Variants in CACNA1A observed in about 807,000 individuals in gnomAD.
CACNA1A encodes the protein voltage-dependent P/Q-type calcium channel subunit alpha-1A.
CACNA1A carries 57 observed loss-of-function variants against 262.4 expected under a neutral mutation model. That is an observed-to-expected ratio of 0.22 (90% CI 0.18 to 0.27). The LOEUF is 0.27. Among genes scored for constraint, CACNA1A ranks in the 10% least tolerant of loss-of-function variants. CACNA1A has a pLI of 1.00. For missense variants in CACNA1A, 2,526 were observed against 3,562.8 expected, an observed-to-expected ratio of 0.71 and a Z score of 7.41; for synonymous variants, 1,431 against 1,419.3, an observed-to-expected ratio of 1.01 and a Z score of -0.18.
At chr19:13,263,527 T>TA (rs1001727882) in intron 24 of CACNA1A, 1 of 152,184 alleles carries the variant, frequency 6.6e-6, no homozygotes, top group African/African-American at 2.4e-5. Flanking sequence ...ATGTATTCTT[T>TA]TTTTTTTTTG....
chr19:13,323,412 G>T (rs867424524), intron 10 of CACNA1A, among the ~76,000 whole-genome samples: 2 of 152,152 alleles, frequency 1.3e-5, no homozygotes, highest in Middle Eastern at 3.2e-3. Context: ...TTGGCCACTT[G>T]TATGTCTTTT....
rs538823410 is a variant in CACNA1A at position 13,377,945 on chromosome 19, T to C, written c.540-6166A>G. 6.6e-5 allele frequency among the ~76,000 whole-genome samples: 10 copies of C among 151,900 alleles called. No homozygotes were observed. In the Middle Eastern group the frequency reaches 0.01, roughly 155 times the overall value. The stretch of plus-strand genomic sequence containing the variant: ...GAGTTCAAGACCAGTCTGGGCAACA[T>C]AGTGAGACCTCAACTCAATTAAAAA... On this transcript the variant is annotated intron_variant, in intron 3 of 46. Transcript: ENST00000360228.
chr19:13,311,246 C>T (rs563519480), intron 12 of CACNA1A, among the ~76,000 whole-genome samples: 60 of 152,134 alleles, frequency 3.9e-4, no homozygotes, highest in Non-Finnish European at 7.1e-4. Context: ...TGCACCACCA[C>T]ACCTGGCTAA....
intron 38 of CACNA1A, among the ~76,000 whole-genome samples, chr19:13,222,020 C>T (rs1376202071): frequency 5.9e-5 from 9 of 152,116 alleles, no homozygotes; most frequent in Admixed American, 2.0e-4. Context: ...GATTCTTCTG[C>T]CTCAGCCTCC....
chr19:13,262,906 C>T, intron 24 of CACNA1A, 73 bp from the exon 25 acceptor site: 1 of 978,870 alleles, frequency 1.0e-6, no homozygotes, highest in African/African-American at 1.6e-5. Context: ...GGGCAGCCCA[C>T]AGCTCCATGG....
Position 13,298,790 on chromosome 19 carries a change from C to A in CACNA1A, c.2843G>T (p.Arg948Leu). ...TCGATGCTCCCCGTCCGCGCCCGTG[C>A]GCGGGGACCCGCTGCGGCTCTCCCT... ...GSRESRSGSP[R>L]TGADGEHRRH... The change falls in exon 19 of 47, where the codon CGC becomes CTC. Residue 948 changes from arginine (R) to leucine (L), a missense_variant. Physicochemically the swap from Arg to Leu is moderately radical, Grantham distance 102. This residue lies in a region of CACNA1A where 765 missense variants were observed against 748.6 expected (regional missense o/e 1.02). Transcript: ENST00000360228. The A allele has an allele frequency of 6.5e-7, 1 of 1,542,092 alleles. No individual in the cohort carries two copies. Among genetic ancestry groups the A allele is most frequent in the Non-Finnish European group, 8.7e-7 (1 of 1,155,154 alleles).
intron 3 of CACNA1A, among the ~76,000 whole-genome samples, chr19:13,398,314 C>A (rs908167887): frequency 2.6e-5 from 4 of 151,240 alleles, no homozygotes; most frequent in Non-Finnish European, 4.4e-5. Context: ...TGTGCAAGAA[C>A]GAAATTTTTA....
chr19:13,496,625 T>C (rs947134420), intron 1 of CACNA1A, among the ~76,000 whole-genome samples: 20 of 152,172 alleles, frequency 1.3e-4, no homozygotes, highest in African/African-American at 4.8e-4. Flanking sequence ...CAGCTGATCA[T>C]TCAGAAGAAT....
chr19:13,314,166 G>A (rs2058085023), intron 11 of CACNA1A, among the ~76,000 whole-genome samples: 1 of 152,208 alleles, frequency 6.6e-6, no homozygotes. Context: ...GAGGAGTTAG[G>A]AAGGGCGTGG....
chr19:13,313,767 C>A (rs1035249743), intron 11 of CACNA1A, among the ~76,000 whole-genome samples: 2 of 152,018 alleles, frequency 1.3e-5, no homozygotes, highest in Non-Finnish European at 2.9e-5. Context: ...CATAACGGCC[C>A]CATAATGCCA....
intron 3 of CACNA1A, among the ~76,000 whole-genome samples, chr19:13,449,052 G>C (rs892993335): frequency 6.6e-6 from 1 of 151,222 alleles, no homozygotes; most frequent in African/African-American, 2.4e-5. Flanking sequence ...CTGCAGCCTC[G>C]ACCTCCTGGG....
intron 3 of CACNA1A, among the ~76,000 whole-genome samples, chr19:13,425,411 G>C (rs894348076): frequency 5.9e-5 from 9 of 152,094 alleles, no homozygotes; most frequent in Admixed American, 3.3e-4. Context: ...ACACGTGTTA[G>C]AAAGTCTCAA....
intron 1 of CACNA1A, among the ~76,000 whole-genome samples, chr19:13,488,390 CTTTTTTTTTTTTTTTT>C (rs34348281): frequency 7.7e-5 from 6 of 77,622 alleles, no homozygotes; most frequent in South Asian, 3.8e-4. Flanking sequence ...TTTTTCTTTT[CTTTTTTTTTTTTTTTT>C]TTTTTTTTTT....
At chr19:13,474,425 G>A (rs762390635) in intron 1 of CACNA1A, among the ~76,000 whole-genome samples, 3 of 152,152 alleles carry the variant, frequency 2.0e-5, no homozygotes, top group African/African-American at 7.2e-5. Context: ...AAACATTGCA[G>A]GTTCTAGAAC....
Position 13,259,755 on chromosome 19 carries a change from C to T in CACNA1A, c.4251-54G>A, listed in dbSNP as rs991074154. 2.1e-5 allele frequency: 33 copies of T among 1,590,750 alleles called. No homozygotes were observed. The African/African-American group carries it at 4.2e-4, about 20-fold the overall frequency. ...AATGGGAAAGAGGGGCTGTCTTGCA[C>T]TTGTCTTTGGTTATCAGAGACAGGG... On this transcript the variant is annotated intron_variant, in intron 26 of 46. Coordinates refer to ENST00000360228, the MANE Select transcript of CACNA1A (RefSeq NM_001127222.2).
rs2144537004 is a variant in CACNA1A, at chr19:13,214,462, CCTGGTGGATTGGATCCCAGGGCTGGG to C, written c.5839+13_5839+38del. ...CCCCTTTCCCTCCCCCTCCATCTGT[CCTGGTGGATTGGATCCCAGGGCTGGG>C]CTCAGCTCTTACACTTGTGAGGTGT... On this transcript the variant is annotated intron_variant, in intron 39 of 46. Coordinates refer to ENST00000360228, the MANE Select transcript of CACNA1A (RefSeq NM_001127222.2). The surrounding 1 kb of genome is among the most constrained non-coding windows in gnomAD (Gnocchi z 4.1). 1 of 1,575,286 alleles carries C rather than the reference CCTGGTGGATTGGATCCCAGGGCTGGG, an allele frequency of 6.3e-7. No individual in the cohort carries two copies. The highest frequency in any genetic ancestry group is 8.7e-7 in the Non-Finnish European group (1 of 1,146,922).
At chr19:13,480,348 T>C (rs117341334) in intron 1 of CACNA1A, among the ~76,000 whole-genome samples, 1,959 of 152,344 alleles carry the variant, frequency 0.013, 20 homozygotes, top group Middle Eastern at 0.024. Context: ...TAATGAATAG[T>C]AAATATATTT....
intron 3 of CACNA1A, among the ~76,000 whole-genome samples, chr19:13,393,803 C>T (rs1304937217): frequency 4.6e-4 from 50 of 107,700 alleles, no homozygotes; most frequent in Non-Finnish European, 8.8e-4. Flanking sequence ...CCTTCCCTCC[C>T]TCCTTCCTCT....
Position 13,455,190 on chromosome 19 carries a change from C to T in CACNA1A, c.316G>A (p.Ala106Thr), listed in dbSNP as rs960396840. 4 of 1,609,652 alleles carry T rather than the reference C, an allele frequency of 2.5e-6. No individual in the cohort carries two copies. The highest frequency in any genetic ancestry group is 2.6e-6 in the Non-Finnish European group (3 of 1,176,202). The change falls in exon 2 of 47, where the codon GCC becomes ACC. Residue 106 changes from alanine (A) to threonine (T), a missense_variant. Physicochemically the swap from Ala to Thr is moderately conservative, Grantham distance 58. Around this residue, in one of 17 missense-constraint regions of CACNA1A, gnomAD observed 77 missense variants for 228.4 expected, o/e 0.34. Transcript: ENST00000360228. ...EWPPFEYMIL[A>T]TIIANCIVLA... ...ACGATGCAATTCGCTATGATGGTGG[C>T]TAAAATCATATATTCAAAGGGAGTA... is the stretch of plus-strand genomic sequence containing the variant.
Sources: gnomAD v4.1 joint callset for allele counts (sites outside exome capture counted in the v4.1 genomes callset) on GRCh38, gnomAD v4.1.1 for gene constraint, gnomAD v4.1.1 regional missense constraint, Gnocchi (gnomAD v3.1) non-coding constraint, MANE v1.5 for transcripts, NCBI Gene and HGNC (gene_info 2026-07-23, HGNC 2026-07-21) for gene names.